The following IL1RL1 variants were observed in gnomAD, a reference collection of about 807,000 sequenced individuals.
IL1RL1 encodes the protein interleukin 1 receptor like 1.
IL1RL1 carries 32 observed loss-of-function variants against 50.9 expected under a neutral mutation model. The ratio of observed to expected loss-of-function variants is 0.63; its 90% CI spans 0.47 to 0.84. The LOEUF (loss-of-function observed/expected upper bound fraction) is 0.84. IL1RL1 is among the 40% of genes least tolerant of loss of function. IL1RL1 has a pLI of 0.00. For missense variants in IL1RL1, 773 were observed against 662.9 expected, an observed-to-expected ratio of 1.17 and a Z score of -1.82; for synonymous variants, 275 against 236.0, an observed-to-expected ratio of 1.17 and a Z score of -1.51.
chr2:102,316,631 G>C (rs1348357981), intron 1 of IL1RL1, among the ~76,000 whole-genome samples: 2 of 152,034 alleles, frequency 1.3e-5, no homozygotes, highest in Non-Finnish European at 2.9e-5. Context: ...TCAACCAAAA[G>C]TATTTCAGAA....
intron 1 of IL1RL1, among the ~76,000 whole-genome samples, chr2:102,323,265 ATATATATAGTGTGTGTGT>A (rs200945710): frequency 2.8e-5 from 4 of 143,064 alleles, no homozygotes; most frequent in Non-Finnish European, 3.0e-5. Flanking sequence ...ATATATATAT[ATATATATAGTGTGTGTGT>A]GTGTGTGTGT....
At chr2:102,351,442 C>T in intron 10 of IL1RL1, 94 bp from the exon 11 acceptor site, 2 of 1,138,418 alleles carry the variant, frequency 1.8e-6, no homozygotes, top group Non-Finnish European at 2.5e-6. Context: ...GAATCTCACA[C>T]CAGATTATAA....
intron 1 of IL1RL1, among the ~76,000 whole-genome samples, chr2:102,319,126 C>A (rs1218869991): frequency 1.3e-5 from 2 of 152,024 alleles, no homozygotes; most frequent in African/African-American, 4.8e-5. Flanking sequence ...TTTCAAAGGT[C>A]CTTTGGGAAT....
At chr2:102,339,983 T>TTATG (rs1677478556) in intron 3 of IL1RL1, 115 bp from the exon 4 acceptor site, 1 of 497,970 alleles carries the variant, frequency 2.0e-6, no homozygotes, top group Non-Finnish European at 3.4e-6. Flanking sequence ...AAAATAACCA[T>TTATG]TATGTATATT....
At chr2:102,347,016 G>A (rs1467709592) in intron 8 of IL1RL1, among the ~76,000 whole-genome samples, 1 of 152,222 alleles carries the variant, frequency 6.6e-6, no homozygotes, top group East Asian at 1.9e-4. Context: ...TGTTCACCAT[G>A]AGAGAAGTAT....
chr2:102,345,703 TAAAC>T, intron 8 of IL1RL1: 1 of 985,422 alleles, frequency 1.0e-6, no homozygotes, highest in Non-Finnish European at 1.2e-6. Flanking sequence ...TTTCATAAAA[TAAAC>T]AGAATCATAA....
At chr2:102,329,219 A>T (rs916529324) in intron 1 of IL1RL1, among the ~76,000 whole-genome samples, 1 of 152,220 alleles carries the variant, frequency 6.6e-6, no homozygotes, top group African/African-American at 2.4e-5. Flanking sequence ...GACAAACCTG[A>T]CAAAAACAAG....
At chr2:102,328,600 GA>G (rs1193376869) in intron 1 of IL1RL1, among the ~76,000 whole-genome samples, 1 of 151,808 alleles carries the variant, frequency 6.6e-6, no homozygotes, top group Non-Finnish European at 1.5e-5. Flanking sequence ...TGTATATCTA[GA>G]AAACCCCATC....
At chr2:102,312,003 TTATATATATTATA>T (rs1559592238) in intron 1 of IL1RL1, among the ~76,000 whole-genome samples, 3 of 10,912 alleles carry the variant, frequency 2.7e-4, no homozygotes, top group African/African-American at 2.1e-3. Context: ...TATAATATAT[TTATATATATTATA>T]TATAATATAT....
chr2:102,351,549 A>G lies in IL1RL1; in HGVS notation c.1299A>G (p.Ala433=). The G allele has an allele frequency of 6.2e-7, 1 of 1,613,910 alleles. No individual in the cohort carries two copies. The highest frequency in any genetic ancestry group is 8.5e-7 in the Non-Finnish European group (1 of 1,179,816). ...TTGTATGACTAGATGTAGTCACTGC[A>G]GTGGAAACCAACATACGAAAGAGCA... The part of the protein sequence containing the change: ...DMLPGEDVVT[A]VETNIRKSRR... The change falls in exon 11 of 11, where the codon GCA becomes GCG. Residue 433 remains alanine (A), a synonymous_variant. Coordinates refer to ENST00000233954, the MANE Select transcript of IL1RL1 (RefSeq NM_016232.5).
rs1447724883 is a variant in IL1RL1, at chr2:102,334,386, G to A, written c.-149-3730G>A. On this transcript the variant is annotated intron_variant, in intron 1 of 10. Coordinates refer to ENST00000233954, the MANE Select transcript of IL1RL1 (RefSeq NM_016232.5). ...TAGAGTTTGGAGTATGGGCAAGAAGGATCCCAGAGACAAGCACTTTGCCCA... is the reference window on the plus strand; with the variant it reads ...TAGAGTTTGGAGTATGGGCAAGAAGAATCCCAGAGACAAGCACTTTGCCCA... 2.0e-5 allele frequency among the ~76,000 whole-genome samples: 3 copies of A among 152,094 alleles called. No individual in the cohort carries two copies. In the East Asian group the frequency reaches 5.8e-4, roughly 29 times the overall value.
chr2:102,343,482 T>A (rs191129267), intron 8 of IL1RL1, 67 bp downstream of exon 8: 1 of 1,613,028 alleles, frequency 6.2e-7, no homozygotes, highest in Admixed American at 1.7e-5. Context: ...GAATGGAGTG[T>A]GGTTCCAAGA....
intron 1 of IL1RL1, among the ~76,000 whole-genome samples, chr2:102,329,853 G>C (rs1677123748): frequency 1.3e-5 from 2 of 152,306 alleles, no homozygotes; most frequent in Non-Finnish European, 2.9e-5. Context: ...GTGCTGGAGA[G>C]GATGTGGAGA....
At chr2:102,320,079 G>A (rs965191624) in intron 1 of IL1RL1, among the ~76,000 whole-genome samples, 1 of 152,188 alleles carries the variant, frequency 6.6e-6, no homozygotes. Context: ...AAACAAAAAT[G>A]TCTTAATGTC....
chr2:102,343,666 G>A (rs1477209394), intron 8 of IL1RL1: 22 of 1,389,674 alleles, frequency 1.6e-5, no homozygotes, highest in Non-Finnish European at 2.0e-5. Flanking sequence ...AGAACACTCA[G>A]CTGCTTCTTT....
At position 102,344,724 on chromosome 2, in the gene IL1RL1, T is replaced by C. The variant is rs180867611; in HGVS notation, c.970+1309T>C. Reference sequence around the variant, plus strand: ...CTGAATAAATGAATGCACAACCAAATTATTGATACCAAATGTTTTTTTTGT... The same window carrying C: ...CTGAATAAATGAATGCACAACCAAACTATTGATACCAAATGTTTTTTTTGT... On this transcript the variant is annotated intron_variant, in intron 8 of 10. Coordinates refer to ENST00000233954, the MANE Select transcript of IL1RL1 (RefSeq NM_016232.5). 7.4e-6 allele frequency: 7 copies of C among 945,534 alleles called. No individual in the cohort carries two copies. In the Admixed American group the frequency reaches 1.8e-4, roughly 25 times the overall value. The allele number at this position is 945,534 out of a possible 1,614,324, so 58.6% of individuals were successfully genotyped here. A position where few individuals can be genotyped will look rare whatever the true frequency, so the allele number is the denominator to read the frequency against.
intron 1 of IL1RL1, among the ~76,000 whole-genome samples, chr2:102,322,397 G>A (rs1412122496): frequency 6.6e-6 from 1 of 152,082 alleles, no homozygotes; most frequent in Non-Finnish European, 1.5e-5. Flanking sequence ...AGTTTTGAGG[G>A]AAAAATGATC....
At chr2:102,345,143 G>A in intron 8 of IL1RL1, 1 of 890,902 alleles carries the variant, frequency 1.1e-6, no homozygotes, top group Non-Finnish European at 1.3e-6. Context: ...CTGTCTACAA[G>A]TCATTGTGCT....
chr2:102,346,344 T>C (rs1284981799), intron 8 of IL1RL1, among the ~76,000 whole-genome samples: 1 of 152,240 alleles, frequency 6.6e-6, no homozygotes, highest in Non-Finnish European at 1.5e-5. Context: ...CAAAGAAAGT[T>C]GAATAACTTG....
Sources: allele counts gnomAD v4.1 joint callset (sites outside exome capture counted in the v4.1 genomes callset), GRCh38; gene constraint gnomAD v4.1.1; transcripts MANE v1.5; gene names NCBI Gene and HGNC (gene_info 2026-07-23, HGNC 2026-07-21).